TAFA5: variants seen among roughly 807,000 people sequenced by gnomAD.
TAFA5 encodes the protein TAFA chemokine like family member 5.
Under a neutral mutation model 15.3 loss-of-function variants are expected in TAFA5, and 6 were observed. The observed-to-expected ratio is 0.39, with a 90% CI of 0.21 to 0.77. The LOEUF (loss-of-function observed/expected upper bound fraction) is 0.77, where lower values mean the gene tolerates loss of function less well. TAFA5 is among the 30% of genes least tolerant of loss of function. The pLI, the probability that TAFA5 is intolerant of heterozygous loss-of-function variation, is 0.41. For missense variants in TAFA5, 161 were observed against 193.1 expected, an observed-to-expected ratio of 0.83 and a Z score of 0.98; for synonymous variants, 103 against 80.7, an observed-to-expected ratio of 1.28 and a Z score of -1.48.
rs1927836507 is a variant in TAFA5, at chr22:48,672,598, A to G, written c.262+25852A>G. On this transcript the variant is annotated intron_variant, in intron 2 of 3. Transcript: ENST00000402357. ...TTTCTTTTGGAGCTTTGAAGACATC[A>G]CTTCCTTGCCTTCTCCCAGCCTACA... is the stretch of plus-strand genomic sequence containing the variant. Among the ~76,000 whole-genome samples the G allele has an allele frequency of 2.0e-5, 3 of 152,148 alleles. No homozygotes were observed. The South Asian group carries it at 6.2e-4, about 32-fold the overall frequency.
intron 3 of TAFA5, among the ~76,000 whole-genome samples, chr22:48,708,218 ACTT>A (rs1929143071): frequency 1.3e-5 from 2 of 152,098 alleles, no homozygotes; most frequent in Admixed American, 1.3e-4. Context: ...CTGAAGATGA[ACTT>A]CTGATAACTC....
At position 48,640,107 on chromosome 22, in the gene TAFA5, TG is replaced by T. The variant is rs1265678346; in HGVS notation, c.113-6486del. Among the ~76,000 whole-genome samples, 6 of 152,316 alleles carry T rather than the reference TG, an allele frequency of 3.9e-5. No individual in the cohort carries two copies. In the East Asian group the frequency reaches 1.2e-3, roughly 29 times the overall value. On this transcript the variant is annotated intron_variant, in intron 1 of 3. Coordinates refer to ENST00000402357, the MANE Select transcript of TAFA5 (RefSeq NM_001082967.3). ...TGCCTCGCTGTGCCAGTGCAGCAGA[TG>T]GGGCCGGCGCCAGGCTCTTCGGCTC...
At chr22:48,611,666 C>A (rs887156423) in intron 1 of TAFA5, among the ~76,000 whole-genome samples, 2 of 152,116 alleles carry the variant, frequency 1.3e-5, no homozygotes, top group Non-Finnish European at 2.9e-5. Context: ...CGTGGGCTGG[C>A]CTTTCTTGCC....
At chr22:48,728,566 A>T (rs971099716) in intron 3 of TAFA5, among the ~76,000 whole-genome samples, 1 of 152,244 alleles carries the variant, frequency 6.6e-6, no homozygotes, top group African/African-American at 2.4e-5. Flanking sequence ...GAACAATATT[A>T]TATATGCATT....
rs1161424185 is a variant in TAFA5 at position 48,723,057 on chromosome 22, C to T, written c.390+15213C>T. ...CGCCCTCTACCTGTGCCCAGCCTGT[C>T]CCCTGAGCCCCAGGTTCCCATCATG... On this transcript the variant is annotated intron_variant, in intron 3 of 3. Transcript: ENST00000402357. 2.6e-5 allele frequency among the ~76,000 whole-genome samples: 4 copies of T among 152,170 alleles called. No individual in the cohort carries two copies. The East Asian group carries it at 5.8e-4, about 22-fold the overall frequency.
At chr22:48,703,897 C>A (rs576356145) in intron 2 of TAFA5, among the ~76,000 whole-genome samples, 1 of 152,226 alleles carries the variant, frequency 6.6e-6, no homozygotes, top group Non-Finnish European at 1.5e-5. Flanking sequence ...AGAACTGGCC[C>A]GGGCAGATGC....
intron 1 of TAFA5, among the ~76,000 whole-genome samples, chr22:48,510,603 C>G (rs757580906): frequency 9.9e-5 from 15 of 152,220 alleles, no homozygotes; most frequent in Non-Finnish European, 1.8e-4. Flanking sequence ...TAGGGCAATG[C>G]TGTATTCTGG....
intron 3 of TAFA5, among the ~76,000 whole-genome samples, chr22:48,711,377 C>T (rs1049751812): frequency 1.8e-4 from 28 of 151,834 alleles, no homozygotes; most frequent in Admixed American, 3.9e-4. Flanking sequence ...CGGTAGATCT[C>T]GGTGAGTGAC....
chr22:48,582,176 C>T (rs1924072021), intron 1 of TAFA5, among the ~76,000 whole-genome samples: 1 of 151,926 alleles, frequency 6.6e-6, no homozygotes, highest in Admixed American at 6.6e-5. Context: ...CACTGCGGTG[C>T]CCCCCAACAG....
At chr22:48,509,007 T>C (rs181159667) in intron 1 of TAFA5, among the ~76,000 whole-genome samples, 12 of 152,324 alleles carry the variant, frequency 7.9e-5, no homozygotes, top group Non-Finnish European at 1.8e-4. Flanking sequence ...TTCTCCTCTC[T>C]ATTTCTATGA....
intron 1 of TAFA5, among the ~76,000 whole-genome samples, chr22:48,568,500 G>A (rs149696688): frequency 5.1e-4 from 78 of 152,234 alleles, no homozygotes; most frequent in African/African-American, 1.7e-3. Context: ...GACATCTCTC[G>A]GAGATCCCCA....
chr22:48,640,247 A>G (rs544199650), intron 1 of TAFA5, among the ~76,000 whole-genome samples: 156 of 152,178 alleles, frequency 1.0e-3, no homozygotes, highest in Admixed American at 2.2e-3. Context: ...CAGGTCTACC[A>G]TGCAGCTCTG....
At chr22:48,584,702 A>T (rs1924266244) in intron 1 of TAFA5, among the ~76,000 whole-genome samples, 1 of 149,034 alleles carries the variant, frequency 6.7e-6, no homozygotes, top group South Asian at 2.1e-4. Flanking sequence ...CACACACCAC[A>T]CAAAATGCAC....
rs149065707 is a variant in TAFA5 at position 48,653,651 on chromosome 22, G to A, written c.262+6905G>A. On this transcript the variant is annotated intron_variant, in intron 2 of 3. Coordinates refer to ENST00000402357, the MANE Select transcript of TAFA5 (RefSeq NM_001082967.3). ...TACCCAGCAGTTCCTTCCAGATCTC[G>A]GTGCGTTTAATTGTTGGAAAACCAC... Among the ~76,000 whole-genome samples, 15 of 152,318 alleles carry A rather than the reference G, an allele frequency of 9.8e-5. No individual in the cohort carries two copies. The East Asian group carries it at 2.7e-3, about 27-fold the overall frequency.
chr22:48,636,770 G>A (rs994486467), intron 1 of TAFA5, among the ~76,000 whole-genome samples: 1 of 152,248 alleles, frequency 6.6e-6, no homozygotes, highest in African/African-American at 2.4e-5. Context: ...GCAGCTTGGG[G>A]CAGAGCTAGT....
intron 1 of TAFA5, among the ~76,000 whole-genome samples, chr22:48,634,786 C>T (rs1056607839): frequency 6.6e-6 from 1 of 152,262 alleles, no homozygotes; most frequent in African/African-American, 2.4e-5. Context: ...TTTAGTCACT[C>T]ACTCATTCAC....
chr22:48,686,890 TGATGGTTGAATG>T (rs1431782918), intron 2 of TAFA5, among the ~76,000 whole-genome samples: 2 of 124,154 alleles, frequency 1.6e-5, no homozygotes, highest in African/African-American at 6.3e-5. Flanking sequence ...ATGGATGGAT[TGATGGTTGAATG>T]GATGGATGGA....
intron 3 of TAFA5, among the ~76,000 whole-genome samples, chr22:48,731,807 G>A (rs112511839): frequency 0.025 from 3,823 of 152,294 alleles, 152 homozygotes; most frequent in African/African-American, 0.085. Context: ...TGTTCATGCT[G>A]CTAACACAAC....
chr22:48,740,474 C>T (rs527981680), intron 3 of TAFA5, among the ~76,000 whole-genome samples: 1 of 152,216 alleles, frequency 6.6e-6, no homozygotes, highest in South Asian at 2.1e-4. Flanking sequence ...GCTTAGTGAG[C>T]AAAAGTGGGC....
Sources: allele counts gnomAD v4.1 joint callset (sites outside exome capture counted in the v4.1 genomes callset), GRCh38; gene constraint gnomAD v4.1.1; transcripts MANE v1.5; gene names NCBI Gene and HGNC (gene_info 2026-07-23, HGNC 2026-07-21).